WDR70: variants seen among roughly 807,000 people sequenced by gnomAD.
WDR70 encodes WD repeat domain 70, also known as WD repeat-containing protein 70.
In WDR70, 53 loss-of-function variants were observed where a neutral mutation model predicts 88.6. The observed-to-expected ratio is 0.60, with a 90% confidence interval of 0.48 to 0.75. WDR70 has a LOEUF of 0.75. WDR70 is among the 30% of genes least tolerant of loss of function. The pLI is 0.00. For synonymous variants in WDR70, 280 were observed against 270.0 expected (o/e 1.04, Z -0.36); for missense variants, 610 against 823.2 (o/e 0.74, Z 3.17).
At chr5:37,716,572 C>T (rs770506900) in intron 13 of WDR70, among the ~76,000 whole-genome samples, 2 of 152,024 alleles carry the variant, frequency 1.3e-5, no homozygotes, top group South Asian at 2.1e-4. Flanking sequence ...CCTCTATGTG[C>T]GAGTTATTAT....
intron 10 of WDR70, among the ~76,000 whole-genome samples, chr5:37,632,856 A>G (rs1263082200): frequency 6.6e-6 from 1 of 152,190 alleles, no homozygotes; most frequent in Non-Finnish European, 1.5e-5. Context: ...CTACTCAGTC[A>G]CTAATTCACC....
chr5:37,414,493 A>C (rs1488101412), intron 5 of WDR70, among the ~76,000 whole-genome samples: 1 of 149,300 alleles, frequency 6.7e-6, no homozygotes, highest in African/African-American at 2.5e-5. Flanking sequence ...TCCCCATCCC[A>C]CCTCTTTTCC....
intron 10 of WDR70, among the ~76,000 whole-genome samples, chr5:37,621,539 T>G (rs550363458): frequency 7.9e-5 from 12 of 152,308 alleles, no homozygotes; most frequent in African/African-American, 1.9e-4. Context: ...TTGAGAAGTG[T>G]CTGTTCATAT....
At chr5:37,467,459 A>G (rs1178075008) in intron 7 of WDR70, among the ~76,000 whole-genome samples, 1 of 151,604 alleles carries the variant, frequency 6.6e-6, no homozygotes, top group Non-Finnish European at 1.5e-5. Flanking sequence ...TCATGACCTC[A>G]TCTAAACCTA....
intron 9 of WDR70, among the ~76,000 whole-genome samples, chr5:37,530,671 G>A (rs1308265947): frequency 7.1e-6 from 1 of 140,664 alleles, no homozygotes; most frequent in African/African-American, 3.1e-5. Flanking sequence ...TTTTCTAATT[G>A]TGCTTATTTG....
intron 9 of WDR70, among the ~76,000 whole-genome samples, chr5:37,557,901 A>ATACTCTTTTGAATACTCTTCAAAAGGG (rs1561900701): frequency 3.2e-5 from 1 of 30,804 alleles, no homozygotes; most frequent in South Asian, 1.4e-3. Flanking sequence ...CTTCAGATTT[A>ATACTCTTTTGAATACTCTTCAAAAGGG]TACTCTTTTG....
intron 10 of WDR70, among the ~76,000 whole-genome samples, chr5:37,641,106 T>C (rs2112541732): frequency 6.6e-6 from 1 of 152,334 alleles, no homozygotes; most frequent in South Asian, 2.1e-4. Context: ...ATTTCCCTTA[T>C]TCACAGCATG....
chr5:37,634,428 A>G (rs1375928664), intron 10 of WDR70, among the ~76,000 whole-genome samples: 1 of 152,188 alleles, frequency 6.6e-6, no homozygotes, highest in Admixed American at 6.5e-5. Context: ...GGATAGATTG[A>G]ATATACTTTT....
intron 14 of WDR70, 190 bp from the exon 15 acceptor site, chr5:37,722,665 A>T (rs1312973378): frequency 1.7e-6 from 1 of 586,660 alleles, no homozygotes; most frequent in African/African-American, 1.9e-5. Flanking sequence ...TGACTGACAG[A>T]CTTGCTTTTC....
chr5:37,514,339 C>CATATATATATAT (rs70978826), intron 8 of WDR70, among the ~76,000 whole-genome samples: 1,837 of 28,656 alleles, frequency 0.064, 259 homozygotes, highest in African/African-American at 0.094. Flanking sequence ...TTTAGAACTA[C>CATATATATATAT]ATATATATAT....
At chr5:37,608,056 T>G in intron 10 of WDR70, among the ~76,000 whole-genome samples, 1 of 150,090 alleles carries the variant, frequency 6.7e-6, no homozygotes, top group Non-Finnish European at 1.5e-5. Flanking sequence ...TTTTTTTTTT[T>G]TTTGAGACGG....
At chr5:37,633,683 A>G (rs1425510032) in intron 10 of WDR70, among the ~76,000 whole-genome samples, 1 of 152,156 alleles carries the variant, frequency 6.6e-6, no homozygotes, top group Admixed American at 6.6e-5. Flanking sequence ...AGGAAAATAT[A>G]TTTTAGACAT....
chr5:37,530,898 T>C (rs1161744742), intron 9 of WDR70, among the ~76,000 whole-genome samples: 1 of 152,092 alleles, frequency 6.6e-6, no homozygotes, highest in African/African-American at 2.4e-5. Context: ...GATTGTCTAT[T>C]TGTGCTCTTT....
At chr5:37,504,298 T>C (rs1300101309) in intron 8 of WDR70, among the ~76,000 whole-genome samples, 3 of 151,594 alleles carry the variant, frequency 2.0e-5, no homozygotes, top group Non-Finnish European at 4.4e-5. Flanking sequence ...GGTATGTGTT[T>C]ATCTTTTTCT....
At chr5:37,710,167 A>G (rs936801353) in intron 13 of WDR70, among the ~76,000 whole-genome samples, 27 of 152,290 alleles carry the variant, frequency 1.8e-4, no homozygotes, top group Admixed American at 1.8e-3. Flanking sequence ...GATGACAGGA[A>G]CTAGTTTAGT....
intron 4 of WDR70, among the ~76,000 whole-genome samples, chr5:37,394,509 G>A (rs975497110): frequency 3.3e-5 from 5 of 152,172 alleles, no homozygotes; most frequent in South Asian, 2.1e-4. Context: ...AGCTCACGTT[G>A]TTGTGGGAGT....
chr5:37,661,509 G>T (rs1305492479), intron 10 of WDR70, among the ~76,000 whole-genome samples: 3 of 152,242 alleles, frequency 2.0e-5, no homozygotes, highest in Admixed American at 6.5e-5. Flanking sequence ...TTGCAATGGA[G>T]AAAGAGTAAT....
At chr5:37,703,865 T>C (rs1042197121) in intron 13 of WDR70, among the ~76,000 whole-genome samples, 3 of 152,254 alleles carry the variant, frequency 2.0e-5, no homozygotes, top group African/African-American at 4.8e-5. Context: ...CTTTGGCTCA[T>C]TGTCAAATCT....
At chr5:37,670,940 T>A (rs545028047) in intron 10 of WDR70, among the ~76,000 whole-genome samples, 36 of 152,240 alleles carry the variant, frequency 2.4e-4, no homozygotes, top group African/African-American at 8.7e-4. Context: ...ATGACAGTTC[T>A]ATACTTGTAT....
Sources: allele counts gnomAD v4.1 joint callset (sites outside exome capture counted in the v4.1 genomes callset), GRCh38; gene constraint gnomAD v4.1.1; transcripts MANE v1.5; gene names NCBI Gene and HGNC (gene_info 2026-07-23, HGNC 2026-07-21).